The following KRTAP4-7 variants were observed in gnomAD, a reference collection of about 807,000 sequenced individuals.
KRTAP4-7 encodes putative keratin-associated protein 4-X.
KRTAP4-7 carries 1 observed loss-of-function variant against 3.0 expected under a neutral mutation model. The observed-to-expected ratio is 0.33, with a 90% CI of 0.12 to 1.57. The LOEUF (loss-of-function observed/expected upper bound fraction) is 1.57. Ranked by LOEUF, KRTAP4-7 falls within the 40% of genes most tolerant of loss-of-function variation. KRTAP4-7 has a pLI of 0.37. For synonymous variants in KRTAP4-7, 70 were observed against 74.6 expected (o/e 0.94, Z 0.32); for missense variants, 199 against 209.1 (o/e 0.95, Z 0.30).
chr17:41,084,867 G>C, exon 1 of KRTAP4-7: 2 of 886,264 alleles, frequency 2.3e-6, no homozygotes, highest in South Asian at 2.0e-5. Context: ...TCCCTCCTTT[G>C]CTTTCTTTTT....
At chr17:41,084,892 A>C in exon 1 of KRTAP4-7, 1 of 707,770 alleles carries the variant, frequency 1.4e-6, no homozygotes, top group Non-Finnish European at 2.3e-6. Flanking sequence ...TGGTGGTGGC[A>C]CCAAATGTGA....
exon 1 of KRTAP4-7, chr17:41,084,319 C>T: frequency 6.2e-7 from 1 of 1,614,032 alleles, no homozygotes; most frequent in Non-Finnish European, 8.5e-7. Flanking sequence ...TGCAGGACCA[C>T]CTGCTACCGC....
chr17:41,084,334 G>A (rs2013599302), exon 1 of KRTAP4-7: 1 of 1,613,870 alleles, frequency 6.2e-7, no homozygotes, highest in African/African-American at 1.3e-5. Flanking sequence ...TACCGCCCCA[G>A]CTGTTGTGTG....
chr17:41,084,767 T>C, exon 1 of KRTAP4-7: 1 of 1,475,942 alleles, frequency 6.8e-7, no homozygotes, highest in Non-Finnish European at 9.1e-7. Flanking sequence ...GAAGTGGGGT[T>C]GATGTCATTC....
exon 1 of KRTAP4-7, chr17:41,084,684 C>T: frequency 6.3e-7 from 1 of 1,577,758 alleles, no homozygotes; most frequent in Non-Finnish European, 8.6e-7. Context: ...AGCCCACTGC[C>T]CTGGCTCACG....
chr17:41,084,872 C>G, exon 1 of KRTAP4-7: 1 of 846,840 alleles, frequency 1.2e-6, no homozygotes, highest in Middle Eastern at 3.5e-4. Context: ...CCTTTGCTTT[C>G]TTTTTCTTCT....
chr17:41,084,894 C>A (rs2013623321), exon 1 of KRTAP4-7: 2 of 698,108 alleles, frequency 2.9e-6, no homozygotes, highest in Non-Finnish European at 2.4e-6. Context: ...GTGGTGGCAC[C>A]AAATGTGAAT....
chr17:41,084,915 T>A (rs1362619146), exon 1 of KRTAP4-7: 3 of 634,924 alleles, frequency 4.7e-6, no homozygotes, highest in South Asian at 2.3e-5. Context: ...TAATTTGTAA[T>A]ACACTAGCTA....
exon 1 of KRTAP4-7, chr17:41,084,697 C>T (rs1310050991): frequency 3.2e-6 from 5 of 1,565,192 alleles, no homozygotes; most frequent in Non-Finnish European, 4.3e-6. Context: ...GGCTCACGTC[C>T]CCCTTCACCA....
chr17:41,084,774 A>G, exon 1 of KRTAP4-7: 2 of 1,458,038 alleles, frequency 1.4e-6, no homozygotes, highest in East Asian at 2.5e-5. Flanking sequence ...GGTTGATGTC[A>G]TTCAATAGGA....
chr17:41,084,587 A>G (rs1402519242), exon 1 of KRTAP4-7: 3 of 1,433,032 alleles, frequency 2.1e-6, no homozygotes, highest in Non-Finnish European at 2.8e-6. Context: ...TCTGTGGCCG[A>G]GTCTCCTGCC....
exon 1 of KRTAP4-7, chr17:41,084,808 C>G (rs1418062428): frequency 1.5e-6 from 2 of 1,336,338 alleles, no homozygotes; most frequent in African/African-American, 3.0e-5. Context: ...TCCAAAGAGC[C>G]CACCACCATT....
chr17:41,084,452 C>G, exon 1 of KRTAP4-7: 8 of 1,507,952 alleles, frequency 5.3e-6, no homozygotes, highest in Non-Finnish European at 7.3e-6. Flanking sequence ...GCTGCATCTC[C>G]AGCTGCTGCC....
exon 1 of KRTAP4-7, chr17:41,084,483 A>G: frequency 6.6e-7 from 1 of 1,508,138 alleles, no homozygotes; most frequent in South Asian, 1.2e-5. Flanking sequence ...CTGTATGTCC[A>G]GCTGCTGCAA....
exon 1 of KRTAP4-7, chr17:41,084,973 A>T (rs767261099): frequency 7.2e-6 from 4 of 555,508 alleles, no homozygotes; most frequent in Non-Finnish European, 9.6e-6. Flanking sequence ...TATCACTTTA[A>T]GGTACAGATT....
rs2013610575 is a variant in KRTAP4-7, at chr17:41,084,539, CCCCAG to C, written c.335_339del (p.Pro112LeufsTer60). The C allele has an allele frequency of 7.9e-7, 1 of 1,266,118 alleles. No homozygotes were observed. The highest frequency in any genetic ancestry group is 1.4e-5 in the South Asian group (1 of 71,130). 78.4% of individuals were successfully genotyped at this position (1,266,118 alleles called of 1,614,324 possible). On this transcript the variant is annotated frameshift_variant, in exon 1 of 1. Transcript: ENST00000391417. LOFTEE classifies it high-confidence loss of function. ...TGTGCTGCCAGCCCACCTGCTGCCG[CCCCAG>C]CTGCTGCCGCCCCTGCTGCTGCCTG...
Position 41,084,674 on chromosome 17 carries a change from A to G in KRTAP4-7, c.468A>G (p.Ter156TrpextTer25), listed in dbSNP as rs780910944. Residue 156 changes from the stop codon to tryptophan, a stop_lost, in exon 1 of 1, where the codon TGA (stop) becomes TGG (tryptophan). Coordinates refer to ENST00000391417, the Ensembl canonical transcript of KRTAP4-7. Reference sequence around the variant, plus strand: ...TGTGCTGTGCCTCCTCTTGCTGCTGAGCCCACTGCCCTGGCTCACGTCCCC... The same window carrying G: ...TGTGCTGTGCCTCCTCTTGCTGCTGGGCCCACTGCCCTGGCTCACGTCCCC... 3.7e-5 allele frequency: 59 copies of G among 1,588,570 alleles called. No homozygotes were observed. In the East Asian group the frequency reaches 1.2e-3, roughly 31 times the overall value.
exon 1 of KRTAP4-7, chr17:41,084,642 C>A (rs760673688): frequency 1.3e-6 from 2 of 1,599,974 alleles, no homozygotes; most frequent in Non-Finnish European, 1.7e-6. Context: ...CACCTGTCCC[C>A]GCCCCTTGTG....
chr17:41,084,570 C>T lies in KRTAP4-7; in HGVS notation c.364C>T (p.Arg122Cys), dbSNP rs142279857. 7.5e-5 allele frequency: 118 copies of T among 1,581,740 alleles called. 1 individual carries two copies. Among genetic ancestry groups the T allele is most frequent in the South Asian group, 2.7e-4 (24 of 88,344 alleles). ...CTGCTGCCGCCCCTGCTGCTGCCTG[C>T]GTCCAGTCTGTGGCCGAGTCTCCTG... The change falls in exon 1 of 1, where the codon CGT (arginine) becomes TGT (cysteine). Residue 122 changes from arginine (R) to cysteine (C), a missense_variant. Transcript: ENST00000391417.
Sources: allele counts gnomAD v4.1 joint callset, GRCh38; gene constraint gnomAD v4.1.1; transcripts MANE v1.5; gene names NCBI Gene and HGNC (gene_info 2026-07-23, HGNC 2026-07-21).